Variants in CDH18 observed in about 807,000 individuals in gnomAD.
CDH18 encodes cadherin-18.
Under a neutral mutation model 67.9 loss-of-function variants are expected in CDH18, and 31 were observed. That is an observed-to-expected ratio of 0.46 (90% CI 0.34 to 0.62). CDH18 has a LOEUF of 0.62. Ranked by LOEUF, CDH18 falls within the 20% of genes least tolerant of loss-of-function variation. The probability of loss-of-function intolerance (pLI) is 0.01; values close to 1 mark genes in which losing one functional copy is unlikely to be tolerated. For synonymous variants in CDH18, 362 were observed against 347.2 expected (o/e 1.04, Z -0.48); for missense variants, 890 against 975.5 (o/e 0.91, Z 1.17).
chr5:20,399,570 C>T (rs1385811592), intron 1 of CDH18, among the ~76,000 whole-genome samples: 1 of 152,154 alleles, frequency 6.6e-6, no homozygotes, highest in Non-Finnish European at 1.5e-5. Flanking sequence ...AAAGCCACTC[C>T]ATCTTTCTGA....
intron 2 of CDH18, among the ~76,000 whole-genome samples, chr5:20,101,890 G>A (rs1274303947): frequency 1.3e-5 from 2 of 152,222 alleles, no homozygotes; most frequent in South Asian, 2.1e-4. Flanking sequence ...TGGCCAACAT[G>A]GTGAAACCCC....
intron 2 of CDH18, among the ~76,000 whole-genome samples, chr5:20,023,855 C>T (rs1419165911): frequency 1.3e-5 from 2 of 152,108 alleles, no homozygotes; most frequent in Non-Finnish European, 2.9e-5. Context: ...AATCATATTG[C>T]ATATGATCTA....
intron 1 of CDH18, among the ~76,000 whole-genome samples, chr5:20,376,107 T>TTTTTTTTTTTTTTTTTTTTTTTTTG: frequency 2.7e-5 from 3 of 112,942 alleles, no homozygotes; most frequent in African/African-American, 9.2e-5. Flanking sequence ...TTTTTTTTTT[T>TTTTTTTTTTTTTTTTTTTTTTTTTG]TTTTGAGACG....
chr5:20,382,645 AGCTTAAGGGGT>A (rs1744004031), intron 1 of CDH18, among the ~76,000 whole-genome samples: 1 of 152,150 alleles, frequency 6.6e-6, no homozygotes, highest in Non-Finnish European at 1.5e-5. Flanking sequence ...TGGAGCTTGA[AGCTTAAGGGGT>A]GCAATTAGGA....
At position 19,876,144 on chromosome 5, in the gene CDH18, TTTACTATTATATGGGA is replaced by T. The variant is rs562472387; in HGVS notation, c.-256-36918_-256-36903del. 7.4e-4 allele frequency among the ~76,000 whole-genome samples: 113 copies of T among 152,184 alleles called. 2 individuals are homozygous for T. In the South Asian group the frequency reaches 0.021, roughly 28 times the overall value. ...TCCATAAAACCCTCTCACAGGAGCA[TTTACTATTATATGGGA>T]CTGATTTTTTAAAAAATCAATCAAA... is the stretch of plus-strand genomic sequence containing the variant. On this transcript the variant is annotated intron_variant, in intron 2 of 12. Coordinates refer to ENST00000382275, the MANE Select transcript of CDH18 (RefSeq NM_004934.5).
chr5:19,873,293 A>G (rs988820984), intron 2 of CDH18, among the ~76,000 whole-genome samples: 1 of 151,978 alleles, frequency 6.6e-6, no homozygotes, highest in Non-Finnish European at 1.5e-5. Context: ...CTGATCTCAT[A>G]TCTCATTGAA....
chr5:19,804,301 C>CAA (rs72249900), intron 3 of CDH18, among the ~76,000 whole-genome samples: 18 of 125,388 alleles, frequency 1.4e-4, no homozygotes, highest in African/African-American at 4.4e-4. Flanking sequence ...GATTCCATCT[C>CAA]AAAAAAAAAA....
chr5:19,480,043 A>T (rs1224131998), intron 12 of CDH18, among the ~76,000 whole-genome samples: 1 of 152,152 alleles, frequency 6.6e-6, no homozygotes, highest in Non-Finnish European at 1.5e-5. Context: ...TACATTTTTG[A>T]TATTTATCTT....
At chr5:20,118,435 A>G (rs1748094431) in intron 2 of CDH18, among the ~76,000 whole-genome samples, 1 of 152,166 alleles carries the variant, frequency 6.6e-6, no homozygotes, top group Non-Finnish European at 1.5e-5. Flanking sequence ...TTTAAAGCAG[A>G]TGTTAGTAAA....
intron 2 of CDH18, among the ~76,000 whole-genome samples, chr5:19,881,846 C>T (rs1396272755): frequency 6.6e-6 from 1 of 152,062 alleles, no homozygotes; most frequent in East Asian, 1.9e-4. Context: ...CTGCTGGTTC[C>T]CTACCTGATG....
chr5:19,854,930 A>C (rs1581659280), intron 2 of CDH18, among the ~76,000 whole-genome samples: 2 of 135,256 alleles, frequency 1.5e-5, no homozygotes, highest in African/African-American at 2.8e-5. Flanking sequence ...CCCTATCTCC[A>C]TGAGTTCAGT....
intron 2 of CDH18, among the ~76,000 whole-genome samples, chr5:20,134,407 T>G (rs1333705988): frequency 2.0e-5 from 3 of 152,210 alleles, no homozygotes; most frequent in African/African-American, 7.2e-5. Flanking sequence ...CTGTGTCTAG[T>G]CTACTTATTA....
At chr5:19,937,307 G>T (rs1794378223) in intron 2 of CDH18, among the ~76,000 whole-genome samples, 1 of 151,262 alleles carries the variant, frequency 6.6e-6, no homozygotes, top group Non-Finnish European at 1.5e-5. Context: ...TTGAGCACTT[G>T]CAATGTAATA....
intron 2 of CDH18, among the ~76,000 whole-genome samples, chr5:20,239,440 A>T (rs563084412): frequency 1.3e-5 from 2 of 152,304 alleles, no homozygotes; most frequent in Non-Finnish European, 2.9e-5. Context: ...TGGGTGACAG[A>T]GCAAGACTCC....
chr5:20,071,772 C>T (rs1417953776), intron 2 of CDH18, among the ~76,000 whole-genome samples: 1 of 151,990 alleles, frequency 6.6e-6, no homozygotes, highest in African/African-American at 2.4e-5. Flanking sequence ...ATACTTGTGC[C>T]ATAAATTTCT....
chr5:19,754,908 T>TCC (rs1186557978), intron 3 of CDH18, among the ~76,000 whole-genome samples: 6 of 152,066 alleles, frequency 3.9e-5, no homozygotes, highest in Non-Finnish European at 8.8e-5. Context: ...TGCTCCTGAA[T>TCC]CAGCCCTGGG....
intron 2 of CDH18, among the ~76,000 whole-genome samples, chr5:20,198,900 G>A (rs542847366): frequency 1.3e-5 from 2 of 152,346 alleles, no homozygotes; most frequent in South Asian, 2.1e-4. Flanking sequence ...CAAGCCTCAA[G>A]CTTTGACAGC....
chr5:19,958,800 T>C (rs1000791880), intron 2 of CDH18, among the ~76,000 whole-genome samples: 9 of 152,068 alleles, frequency 5.9e-5, no homozygotes, highest in African/African-American at 2.2e-4. Context: ...TGATGTTCCG[T>C]GTTGCATCGC....
intron 9 of CDH18, among the ~76,000 whole-genome samples, chr5:19,523,155 A>G (rs1456523344): frequency 6.6e-6 from 1 of 152,130 alleles, no homozygotes; most frequent in Non-Finnish European, 1.5e-5. Flanking sequence ...CAATAAGAAT[A>G]ATGACATTGA....
Sources: gnomAD v4.1 joint callset for allele counts (sites outside exome capture counted in the v4.1 genomes callset) on GRCh38, gnomAD v4.1.1 for gene constraint, MANE v1.5 for transcripts, NCBI Gene and HGNC (gene_info 2026-07-23, HGNC 2026-07-21) for gene names.